Variants in MYRIP observed in about 807,000 individuals in gnomAD.
MYRIP encodes myosin VIIA and Rab interacting protein.
In MYRIP, 49 loss-of-function variants were observed where a neutral mutation model predicts 98.0. The observed-to-expected ratio is 0.50, with a 90% CI of 0.40 to 0.63. The LOEUF (loss-of-function observed/expected upper bound fraction) is 0.63. MYRIP is among the 30% of genes least tolerant of loss of function. The pLI, the probability that MYRIP is intolerant of heterozygous loss-of-function variation, is 0.00. For synonymous variants in MYRIP, 404 were observed against 409.5 expected, an observed-to-expected ratio of 0.99 and a Z score of 0.16; for missense variants, 1,004 against 1,058.2, an observed-to-expected ratio of 0.95 and a Z score of 0.71.
At chr3:39,849,463 G>A (rs1010147155) in intron 1 of MYRIP, among the ~76,000 whole-genome samples, 25 of 152,090 alleles carry the variant, frequency 1.6e-4, no homozygotes, top group African/African-American at 3.1e-4. Flanking sequence ...TGTTTTCTCC[G>A]GTCCACGGGA....
chr3:40,218,629 T>TATATATA (rs1553629286), intron 11 of MYRIP, among the ~76,000 whole-genome samples: 11 of 22,690 alleles, frequency 4.8e-4, no homozygotes, highest in African/African-American at 7.0e-4. Flanking sequence ...TATATATATA[T>TATATATA]ATATATATAT....
chr3:39,951,771 A>G (rs1040283152), intron 2 of MYRIP, among the ~76,000 whole-genome samples: 5 of 152,146 alleles, frequency 3.3e-5, no homozygotes, highest in African/African-American at 9.7e-5. Context: ...CCTATTCTAG[A>G]GGACTCTGAC....
In MYRIP at chr3:39,906,362, G is replaced by T. The variant is rs565611442; in HGVS notation, c.110+5436G>T. ...TTCTATGATTGCAGGCATTGGTCTT[G>T]CCTACTGAGAACATATCTTTTCATG... is the stretch of plus-strand genomic sequence containing the variant. On this transcript the variant is annotated intron_variant, in intron 2 of 16. Transcript: ENST00000302541. 1.4e-4 allele frequency among the ~76,000 whole-genome samples: 21 copies of T among 152,206 alleles called. 1 individual carries two copies. The Middle Eastern group carries it at 0.017, about 123-fold the overall frequency.
At chr3:40,059,561 G>C (rs918796876) in intron 3 of MYRIP, among the ~76,000 whole-genome samples, 1 of 151,982 alleles carries the variant, frequency 6.6e-6, no homozygotes, top group African/African-American at 2.4e-5. Context: ...TCATATGTTT[G>C]TTGGCCGTAT....
intron 3 of MYRIP, among the ~76,000 whole-genome samples, chr3:40,088,768 G>T (rs1948681624): frequency 1.3e-5 from 2 of 152,250 alleles, no homozygotes; most frequent in Non-Finnish European, 2.9e-5. Flanking sequence ...AGCCCTGGTA[G>T]GGAGTAGGAT....
At chr3:40,004,167 C>G (rs900796615) in intron 2 of MYRIP, among the ~76,000 whole-genome samples, 4 of 152,218 alleles carry the variant, frequency 2.6e-5, no homozygotes, top group Non-Finnish European at 4.4e-5. Flanking sequence ...CCAAAGAACT[C>G]TTAAAGCATT....
At chr3:40,132,700 G>A (rs1949672269) in intron 3 of MYRIP, among the ~76,000 whole-genome samples, 1 of 152,234 alleles carries the variant, frequency 6.6e-6, no homozygotes, top group Non-Finnish European at 1.5e-5. Flanking sequence ...TTTCAGCTTG[G>A]ACATTAGCCA....
At chr3:40,036,302 C>CAAAAAAAAAA (rs71091786) in intron 2 of MYRIP, among the ~76,000 whole-genome samples, 1 of 64,286 alleles carries the variant, frequency 1.6e-5, no homozygotes, top group Admixed American at 2.1e-4. Context: ...CAACTGATAC[C>CAAAAAAAAAA]AAAAAAAAAA....
chr3:40,055,965 G>A (rs772829968), intron 3 of MYRIP, among the ~76,000 whole-genome samples: 7 of 152,172 alleles, frequency 4.6e-5, no homozygotes, highest in Non-Finnish European at 7.4e-5. Context: ...ATGATTATTA[G>A]CATTCACATA....
chr3:39,980,137 A>C (rs899944373), intron 2 of MYRIP, among the ~76,000 whole-genome samples: 1 of 143,674 alleles, frequency 7.0e-6, no homozygotes, highest in South Asian at 2.2e-4. Context: ...GTTCGGGTAC[A>C]TATGACTTAT....
intron 1 of MYRIP, among the ~76,000 whole-genome samples, chr3:39,864,409 G>A (rs924235062): frequency 6.6e-6 from 1 of 152,116 alleles, no homozygotes; most frequent in Non-Finnish European, 1.5e-5. Flanking sequence ...AATAGTCTCT[G>A]CCCAAAAGCT....
At position 40,086,084 on chromosome 3, in the gene MYRIP, T is replaced by C. The variant is rs543599806; in HGVS notation, c.332+41813T>C. Among the ~76,000 whole-genome samples, 9 of 152,062 alleles carry C rather than the reference T, an allele frequency of 5.9e-5. No individual in the cohort carries two copies. In the East Asian group the frequency reaches 1.7e-3, roughly 29 times the overall value. On this transcript the variant is annotated intron_variant, in intron 3 of 16. Coordinates refer to ENST00000302541, the MANE Select transcript of MYRIP (RefSeq NM_015460.4). ...TAAATTAGGATGGGATCCCAAAAAATGTTTCACCCACAGGAAGGCAAGGAA... is the reference window on the plus strand; with the variant it reads ...TAAATTAGGATGGGATCCCAAAAAACGTTTCACCCACAGGAAGGCAAGGAA...
intron 3 of MYRIP, among the ~76,000 whole-genome samples, chr3:40,077,536 C>T (rs1948373827): frequency 6.6e-6 from 1 of 151,800 alleles, no homozygotes; most frequent in Non-Finnish European, 1.5e-5. Context: ...TCTCCAAGGC[C>T]CCACCAGAGT....
chr3:40,087,264 G>GT (rs762528979), intron 3 of MYRIP, among the ~76,000 whole-genome samples: 46 of 152,154 alleles, frequency 3.0e-4, no homozygotes, highest in Non-Finnish European at 4.9e-4. Context: ...TCAGATGAGT[G>GT]TAACAGTCCC....
intron 11 of MYRIP, among the ~76,000 whole-genome samples, chr3:40,213,515 G>A (rs561674880): frequency 2.6e-5 from 4 of 152,242 alleles, no homozygotes; most frequent in Non-Finnish European, 5.9e-5. Context: ...CAGAGTGTAA[G>A]TGTGGAAATC....
rs146633889 is a variant in MYRIP, at chr3:40,137,177, C to T, written c.333-13871C>T. Among the ~76,000 whole-genome samples, 488 of 151,762 alleles carry T rather than the reference C, an allele frequency of 3.2e-3. 5 individuals carry two copies. Among genetic ancestry groups the T allele is most frequent in the African/African-American group, 0.011 (458 of 41,354 alleles). ...AGAAAAGAGAGAAGAATCAAATAGA[C>T]GCAATAGAAAATGACAAAGGGGATA... On this transcript the variant is annotated intron_variant, in intron 3 of 16. Coordinates refer to ENST00000302541, the MANE Select transcript of MYRIP (RefSeq NM_015460.4).
chr3:40,052,939 CAT>C (rs1185336238), intron 3 of MYRIP, among the ~76,000 whole-genome samples: 6 of 152,138 alleles, frequency 3.9e-5, no homozygotes, highest in South Asian at 2.1e-4. Context: ...ATAAGGAAAA[CAT>C]AGAAAAATAG....
intron 10 of MYRIP, among the ~76,000 whole-genome samples, chr3:40,204,203 T>TATAATTATATATA (rs1951727626): frequency 2.7e-5 from 1 of 37,342 alleles, no homozygotes; most frequent in Non-Finnish European, 5.2e-5. Context: ...TATTATATTA[T>TATAATTATATATA]ATATTTATAT....
chr3:39,906,818 G>A (rs1162029878), intron 2 of MYRIP, among the ~76,000 whole-genome samples: 1 of 152,182 alleles, frequency 6.6e-6, no homozygotes, highest in Non-Finnish European at 1.5e-5. Context: ...GGACAAGCAT[G>A]TTTTTGATGA....
Sources: allele counts gnomAD v4.1 joint callset (sites outside exome capture counted in the v4.1 genomes callset), GRCh38; gene constraint gnomAD v4.1.1; transcripts MANE v1.5; gene names NCBI Gene and HGNC (gene_info 2026-07-23, HGNC 2026-07-21).